Variants in CELF1 observed in about 807,000 individuals in gnomAD.
The protein encoded by CELF1 is 50 kDa nuclear polyadenylated RNA-binding protein.
A neutral mutation model predicts 61.8 loss-of-function variants in CELF1; 10 were observed. The observed-to-expected ratio is 0.16, with a 90% CI of 0.10 to 0.27. The LOEUF is 0.27. Among genes scored for constraint, CELF1 ranks in the 10% least tolerant of loss-of-function variants. The probability of loss-of-function intolerance (pLI) is 1.00; values close to 1 mark genes in which losing one functional copy is unlikely to be tolerated. For synonymous variants in CELF1, 236 were observed against 225.1 expected (o/e 1.05, Z -0.43); for missense variants, 380 against 639.1 (o/e 0.59, Z 4.37).
At chr11:47,513,595 G>A (rs1381317644) in intron 1 of CELF1, 2 of 151,928 alleles carry the variant, frequency 1.3e-5, no homozygotes, top group Non-Finnish European at 1.5e-5. Flanking sequence ...GAGTAGCTGG[G>A]ACTACAGGCA....
chr11:47,503,889 AC>A (rs2094213892), intron 1 of CELF1, among the ~76,000 whole-genome samples: 1 of 152,252 alleles, frequency 6.6e-6, no homozygotes, highest in South Asian at 2.1e-4. Flanking sequence ...AGAATAATTT[AC>A]GGGGCAAGAA....
rs1265162756 is a variant in CELF1 at position 47,506,386 on chromosome 11, G to A, written c.-153-5454C>T. 2.4e-3 allele frequency among the ~76,000 whole-genome samples: 338 copies of A among 142,078 alleles called. 6 individuals are homozygous for A. The highest frequency in any genetic ancestry group is 0.015 in the Middle Eastern group (4 of 264). 93.2% of individuals were successfully genotyped at this position (142,078 alleles called of 152,430 possible). A position where few individuals can be genotyped will look rare whatever the true frequency, so the allele number is the denominator to read the frequency against. Reference sequence around the variant, plus strand: ...AGGGGTTGCAGTGAGCCAAGATCGCGCCACTGCTCTCCAGCCTGGGTGACA... The same window carrying A: ...AGGGGTTGCAGTGAGCCAAGATCGCACCACTGCTCTCCAGCCTGGGTGACA... On this transcript the variant is annotated intron_variant, in intron 1 of 14. Transcript: ENST00000687097.
intron 1 of CELF1, among the ~76,000 whole-genome samples, chr11:47,539,755 C>T (rs1242517971): frequency 3.3e-5 from 5 of 152,204 alleles, no homozygotes; most frequent in Non-Finnish European, 1.5e-5. Context: ...TTTAGGCATC[C>T]AGATTTTTGC....
rs543801017 is a variant in CELF1 at position 47,503,118 on chromosome 11, G to C, written c.-153-2186C>G. Among the ~76,000 whole-genome samples, 31 of 152,300 alleles carry C rather than the reference G, an allele frequency of 2.0e-4. No homozygotes were observed. The East Asian group carries it at 6.0e-3, about 29-fold the overall frequency. On this transcript the variant is annotated intron_variant, in intron 1 of 14. Coordinates refer to ENST00000687097, the MANE Select transcript of CELF1 (RefSeq NM_001376376.1). ...AAGTGAAGGTAGGAGTAGTCAGCCT[G>C]CTGTAACATTAAGAACCCAAATCAT...
chr11:47,553,223 G>GC, upstream of CELF1: 1 of 386,188 alleles, frequency 2.6e-6, no homozygotes, highest in Non-Finnish European at 4.6e-6. Context: ...TCACCGCGGC[G>GC]CCGCCCGCAG....
chr11:47,549,092 G>C (rs918454701), intron 1 of CELF1, among the ~76,000 whole-genome samples: 9 of 152,088 alleles, frequency 5.9e-5, no homozygotes, highest in Middle Eastern at 3.4e-3. Flanking sequence ...CCATTAAGAT[G>C]GCCATGAAAA....
Position 47,472,070 on chromosome 11 carries a change from A to G in CELF1, c.*160T>C, listed in dbSNP as rs2077863537. The G allele has an allele frequency of 6.5e-6, 5 of 767,044 alleles. No homozygotes were observed. The highest frequency in any genetic ancestry group is 1.7e-5 in the African/African-American group (1 of 58,050). 47.5% of individuals were successfully genotyped at this position (767,044 alleles called of 1,614,324 possible). ...CTGTACGAAGCGAAACTCCCACAGA[A>G]GGCAGTAGCCGAGTCTTCAGGGCAA... is the stretch of plus-strand genomic sequence containing the variant. On this transcript the variant is annotated 3_prime_UTR_variant, in exon 15 of 15. Transcript: ENST00000687097.
Position 47,484,237 on chromosome 11 carries a change from C to T in CELF1, c.526+152G>A, listed in dbSNP as rs1478036780. 4 of 732,892 alleles carry T rather than the reference C, an allele frequency of 5.5e-6. No homozygotes were observed. In the African/African-American group the frequency reaches 7.3e-5, roughly 13 times the overall value. The allele number at this position is 732,892 out of a possible 1,614,324, so 45.4% of individuals were successfully genotyped here. A position where few individuals can be genotyped will look rare whatever the true frequency, so the allele number is the denominator to read the frequency against. On this transcript the variant is annotated intron_variant, in intron 7 of 14. Transcript: ENST00000687097. The stretch of plus-strand genomic sequence containing the variant: ...GGTCCCAGCTACTCAGGAGGCTGAT[C>T]CTGGGAGGTTCAGGCTGCAGTGAGT...
Position 47,468,093 on chromosome 11 carries a change from C to T in CELF1, c.*4137G>A, listed in dbSNP as rs573270337. 3.3e-5 allele frequency: 5 copies of T among 152,120 alleles called. No homozygotes were observed. In the South Asian group the frequency reaches 6.2e-4, roughly 19 times the overall value. 9.4% of individuals were successfully genotyped at this position (152,120 alleles called of 1,614,324 possible). Reference sequence around the variant, plus strand: ...AAAAACAATACAAAAACAAAAACAACAACAAAAAAATCAAAGCATCACATT... The same window carrying T: ...AAAAACAATACAAAAACAAAAACAATAACAAAAAAATCAAAGCATCACATT... On this transcript the variant is annotated 3_prime_UTR_variant, in exon 15 of 15. Coordinates refer to ENST00000687097, the MANE Select transcript of CELF1 (RefSeq NM_001376376.1).
At chr11:47,484,683 T>C (rs907659988) in intron 6 of CELF1, among the ~76,000 whole-genome samples, 160 bp from the exon 7 acceptor site, 1 of 152,230 alleles carries the variant, frequency 6.6e-6, no homozygotes, top group African/African-American at 2.4e-5. Flanking sequence ...ACATCTCTTT[T>C]TTTCTTGTTT....
intron 1 of CELF1, among the ~76,000 whole-genome samples, chr11:47,512,076 C>T (rs1352859274): frequency 4.6e-5 from 7 of 152,152 alleles, no homozygotes; most frequent in African/African-American, 1.7e-4. Context: ...TCTTGAACTC[C>T]TGAGTTTAGG....
At chr11:47,563,383 A>G (rs894720302) in intron 2 of CELF1, among the ~76,000 whole-genome samples, 1 of 152,182 alleles carries the variant, frequency 6.6e-6, no homozygotes, top group Non-Finnish European at 1.5e-5. Context: ...TTTTGAGGGC[A>G]ATGAAAATAT....
intron 2 of CELF1, among the ~76,000 whole-genome samples, chr11:47,559,010 A>G (rs1278019735): frequency 7.0e-6 from 1 of 142,430 alleles, no homozygotes; most frequent in Non-Finnish European, 1.5e-5. Context: ...TATACATAAT[A>G]TATGTTATAT....
At chr11:47,492,466 T>G (rs574522074) in intron 3 of CELF1, among the ~76,000 whole-genome samples, 40 of 152,306 alleles carry the variant, frequency 2.6e-4, no homozygotes, top group African/African-American at 9.1e-4. Flanking sequence ...TGGTGGCTCA[T>G]GCCTGTAATC....
intron 1 of CELF1, among the ~76,000 whole-genome samples, chr11:47,529,294 C>T (rs985972252): frequency 6.6e-6 from 1 of 151,466 alleles, no homozygotes; most frequent in Admixed American, 6.6e-5. Flanking sequence ...GGGACAGTGG[C>T]TCCCAGCACT....
At chr11:47,516,432 CAAT>C (rs765207955) in intron 1 of CELF1, among the ~76,000 whole-genome samples, 112 of 152,200 alleles carry the variant, frequency 7.4e-4, no homozygotes, top group Non-Finnish European at 1.2e-3. Context: ...TCTTCTCCAA[CAAT>C]AATAGCAATA....
chr11:47,505,285 G>C (rs1470457427), intron 1 of CELF1, among the ~76,000 whole-genome samples: 1 of 151,086 alleles, frequency 6.6e-6, no homozygotes, highest in Non-Finnish European at 1.5e-5. Context: ...TTTCTTAGTT[G>C]GTAACAATAT....
chr11:47,497,720 A>G (rs542950986), intron 3 of CELF1, among the ~76,000 whole-genome samples: 3 of 152,302 alleles, frequency 2.0e-5, no homozygotes, highest in African/African-American at 7.2e-5. Context: ...AACATGCTGG[A>G]CACTTGTTTC....
At chr11:47,501,258 C>G (rs1234841285) in intron 1 of CELF1, among the ~76,000 whole-genome samples, 1 of 152,188 alleles carries the variant, frequency 6.6e-6, no homozygotes, top group East Asian at 1.9e-4. Flanking sequence ...AAACAAACTG[C>G]AAGTGAGAGG....
Sources: gnomAD v4.1 joint callset for allele counts (sites outside exome capture counted in the v4.1 genomes callset) on GRCh38, gnomAD v4.1.1 for gene constraint, MANE v1.5 for transcripts, NCBI Gene and HGNC (gene_info 2026-07-23, HGNC 2026-07-21) for gene names.